Variants in CNTNAP4 observed in about 807,000 individuals in gnomAD.
CNTNAP4 encodes contactin associated protein family member 4.
Under a neutral mutation model 148.4 loss-of-function variants are expected in CNTNAP4, and 98 were observed. The ratio of observed to expected loss-of-function variants is 0.66; its 90% confidence interval spans 0.56 to 0.78. CNTNAP4 has a LOEUF of 0.78. CNTNAP4 is among the 30% of genes least tolerant of loss of function. The pLI is 0.00. For missense variants in CNTNAP4, 1,935 were observed against 1,565.6 expected (o/e 1.24, Z -3.98); for synonymous variants, 730 against 565.1 (o/e 1.29, Z -4.14).
chr16:76,415,776 T>C (rs2078951907), intron 3 of CNTNAP4, among the ~76,000 whole-genome samples: 1 of 151,304 alleles, frequency 6.6e-6, no homozygotes, highest in Non-Finnish European at 1.5e-5. Flanking sequence ...TTTACTATTC[T>C]AGAATTTTAT....
At chr16:76,438,062 C>T (rs1215381556) in intron 4 of CNTNAP4, among the ~76,000 whole-genome samples, 1 of 152,124 alleles carries the variant, frequency 6.6e-6, no homozygotes, top group Non-Finnish European at 1.5e-5. Flanking sequence ...TTTGGGAAAT[C>T]CACATTTATC....
chr16:76,395,327 G>A (rs896483821), intron 3 of CNTNAP4, among the ~76,000 whole-genome samples: 4 of 150,972 alleles, frequency 2.6e-5, no homozygotes, highest in East Asian at 3.9e-4. Flanking sequence ...ATGCAATGGC[G>A]CAATCTTGGC....
intron 14 of CNTNAP4, among the ~76,000 whole-genome samples, chr16:76,497,465 G>C (rs1470300192): frequency 6.6e-6 from 1 of 152,074 alleles, no homozygotes; most frequent in African/African-American, 2.4e-5. Flanking sequence ...TAAACCAAGA[G>C]GAGGCAGCAA....
intron 17 of CNTNAP4, among the ~76,000 whole-genome samples, chr16:76,533,679 A>AG (rs1050440163): frequency 1.3e-4 from 19 of 148,792 alleles, no homozygotes; most frequent in Non-Finnish European, 8.9e-5. Flanking sequence ...AAAAATCTTA[A>AG]AAAAAAAATG....
At chr16:76,510,269 A>C (rs111260688) in intron 15 of CNTNAP4, among the ~76,000 whole-genome samples, 8 of 152,170 alleles carry the variant, frequency 5.3e-5, no homozygotes, top group African/African-American at 1.9e-4. Context: ...GTGACTGACT[A>C]CTTTTACTTA....
rs184680825 is a variant in CNTNAP4 at position 76,385,316 on chromosome 16, T to C, written c.390+29805T>C. On this transcript the variant is annotated intron_variant, in intron 3 of 23. Coordinates refer to ENST00000611870, the MANE Select transcript of CNTNAP4 (RefSeq NM_033401.5). ...ACTGAACCATTGCTATGCTATGTCATCTCACAGGGACTGCCTTAGGAGGGA... is the reference window on the plus strand; with the variant it reads ...ACTGAACCATTGCTATGCTATGTCACCTCACAGGGACTGCCTTAGGAGGGA... Among the ~76,000 whole-genome samples the C allele has an allele frequency of 3.8e-3, 586 of 152,302 alleles. 4 individuals are homozygous for C. Among genetic ancestry groups the C allele is most frequent in the Non-Finnish European group, 6.6e-3 (446 of 68,026 alleles).
chr16:76,328,279 T>G (rs1353364053), intron 2 of CNTNAP4, among the ~76,000 whole-genome samples: 3 of 152,150 alleles, frequency 2.0e-5, no homozygotes, highest in Non-Finnish European at 2.9e-5. Flanking sequence ...AAAATGGCAT[T>G]TTACCTCTGT....
At chr16:76,413,011 G>T (rs2078852321) in intron 3 of CNTNAP4, among the ~76,000 whole-genome samples, 1 of 151,104 alleles carries the variant, frequency 6.6e-6, no homozygotes, top group Admixed American at 6.6e-5. Flanking sequence ...ATTTTTTATG[G>T]GTATGTGAAA....
At chr16:76,486,017 T>G (rs192398082) in intron 12 of CNTNAP4, among the ~76,000 whole-genome samples, 1 of 152,218 alleles carries the variant, frequency 6.6e-6, no homozygotes, top group African/African-American at 2.4e-5. Context: ...AAACAGCATG[T>G]TTTCACTTTG....
At chr16:76,547,264 C>T (rs1212870498) in intron 21 of CNTNAP4, among the ~76,000 whole-genome samples, 1 of 152,078 alleles carries the variant, frequency 6.6e-6, no homozygotes, top group Non-Finnish European at 1.5e-5. Context: ...CACAATTCCA[C>T]CACATGGGGA....
intron 3 of CNTNAP4, among the ~76,000 whole-genome samples, chr16:76,384,042 A>G (rs1304080234): frequency 6.6e-6 from 1 of 151,010 alleles, no homozygotes; most frequent in Admixed American, 6.6e-5. Flanking sequence ...GTTTTTTGTT[A>G]TTTATTTATT....
At chr16:76,376,029 A>G (rs2015378651) in intron 3 of CNTNAP4, among the ~76,000 whole-genome samples, 1 of 152,102 alleles carries the variant, frequency 6.6e-6, no homozygotes, top group Non-Finnish European at 1.5e-5. Context: ...TGAAAGTTAA[A>G]TACAAAAGGA....
At chr16:76,554,689 T>C (rs1466991616) in intron 23 of CNTNAP4, among the ~76,000 whole-genome samples, 1 of 152,050 alleles carries the variant, frequency 6.6e-6, no homozygotes, top group Non-Finnish European at 1.5e-5. Flanking sequence ...ATATAGAAAG[T>C]AAACAATTAT....
At chr16:76,482,680 G>T (rs2081879323) in intron 12 of CNTNAP4, among the ~76,000 whole-genome samples, 1 of 152,138 alleles carries the variant, frequency 6.6e-6, no homozygotes, top group Non-Finnish European at 1.5e-5. Context: ...TGAGGACATT[G>T]CCTCATACAC....
intron 23 of CNTNAP4, 119 bp downstream of exon 23, chr16:76,554,026 C>A (rs1002899159): frequency 3.3e-6 from 2 of 608,778 alleles, no homozygotes; most frequent in African/African-American, 1.9e-5. Flanking sequence ...GGCACTGAAT[C>A]CTGAGGTCAT....
At chr16:76,309,159 C>T (rs1419245631) in intron 1 of CNTNAP4, among the ~76,000 whole-genome samples, 1 of 152,028 alleles carries the variant, frequency 6.6e-6, no homozygotes, top group Non-Finnish European at 1.5e-5. Flanking sequence ...CTTGTGTCTT[C>T]TGGGTGCTTA....
At chr16:76,404,191 CAGTAA>C (rs1456388730) in intron 3 of CNTNAP4, among the ~76,000 whole-genome samples, 2 of 150,998 alleles carry the variant, frequency 1.3e-5, no homozygotes, top group Non-Finnish European at 3.0e-5. Context: ...TAAAAAAATT[CAGTAA>C]AGTAAATGTT....
At chr16:76,315,133 ATTTG>A (rs1404361342) in intron 1 of CNTNAP4, among the ~76,000 whole-genome samples, 4 of 151,772 alleles carry the variant, frequency 2.6e-5, no homozygotes, top group African/African-American at 7.3e-5. Context: ...GCACTGTTTT[ATTTG>A]TTCTTTGGCC....
intron 3 of CNTNAP4, among the ~76,000 whole-genome samples, chr16:76,367,417 A>G (rs1019614825): frequency 2.0e-5 from 3 of 152,178 alleles, no homozygotes; most frequent in Non-Finnish European, 4.4e-5. Context: ...GAAAAGATGA[A>G]AAATTAGATA....
Sources: gnomAD v4.1 joint callset for allele counts (sites outside exome capture counted in the v4.1 genomes callset) on GRCh38, gnomAD v4.1.1 for gene constraint, MANE v1.5 for transcripts, NCBI Gene and HGNC (gene_info 2026-07-23, HGNC 2026-07-21) for gene names.